Variants in CSMD1 observed in about 807,000 individuals in gnomAD.
CSMD1 encodes CUB and sushi domain-containing protein 1.
CSMD1 carries 213 observed loss-of-function variants against 417.5 expected under a neutral mutation model. The ratio of observed to expected loss-of-function variants is 0.51; its 90% CI spans 0.46 to 0.57. The LOEUF (loss-of-function observed/expected upper bound fraction) is 0.57, where lower values mean the gene tolerates loss of function less well. CSMD1 is among the 20% of genes least tolerant of loss of function. The pLI is 0.00. For synonymous variants in CSMD1, 2,862 were observed against 1,736.8 expected (o/e 1.65, Z -16.11); for missense variants, 6,923 against 4,529.7 (o/e 1.53, Z -15.17).
chr8:3,241,510 G>C (rs948589166), intron 26 of CSMD1, among the ~76,000 whole-genome samples: 5 of 152,148 alleles, frequency 3.3e-5, no homozygotes, highest in Non-Finnish European at 5.9e-5. Flanking sequence ...ATCTGGGAAG[G>C]AGTGAGTCAG....
chr8:4,542,994 T>G (rs968821849), intron 2 of CSMD1, among the ~76,000 whole-genome samples: 3 of 152,188 alleles, frequency 2.0e-5, no homozygotes, highest in African/African-American at 4.8e-5. Context: ...TACAAATTGA[T>G]AGTCTATATT....
intron 37 of CSMD1, among the ~76,000 whole-genome samples, chr8:3,179,972 G>C (rs1821214311): frequency 6.6e-6 from 1 of 152,140 alleles, no homozygotes; most frequent in South Asian, 2.1e-4. Flanking sequence ...TCATCAGCTG[G>C]CAATCTGGCC....
intron 2 of CSMD1, among the ~76,000 whole-genome samples, chr8:4,514,662 G>C (rs956453041): frequency 2.0e-5 from 3 of 152,162 alleles, no homozygotes; most frequent in East Asian, 3.9e-4. Flanking sequence ...TAAAAAAGTA[G>C]ACCTCAACTA....
intron 3 of CSMD1, among the ~76,000 whole-genome samples, chr8:4,344,165 C>G (rs780552740): frequency 1.3e-5 from 2 of 152,072 alleles, no homozygotes; most frequent in Non-Finnish European, 2.9e-5. Context: ...TGTTAATCTG[C>G]TTTTTCATAT....
intron 42 of CSMD1, among the ~76,000 whole-genome samples, chr8:3,117,754 C>G (rs993234868): frequency 6.6e-6 from 1 of 152,274 alleles, no homozygotes; most frequent in Non-Finnish European, 1.5e-5. Flanking sequence ...CTCTGTTGCA[C>G]CATCAAACGA....
intron 23 of CSMD1, among the ~76,000 whole-genome samples, chr8:3,325,930 C>A (rs1206451277): frequency 6.6e-6 from 1 of 152,098 alleles, no homozygotes; most frequent in Non-Finnish European, 1.5e-5. Context: ...ATTCATTATG[C>A]AAATAAGAAA....
rs757123151 is a variant in CSMD1 at position 3,284,359 on chromosome 8, A to T, written c.3951-13T>A. 4.4e-6 allele frequency: 7 copies of T among 1,600,954 alleles called. No individual in the cohort carries two copies. Among genetic ancestry groups the T allele is most frequent in the Non-Finnish European group, 6.0e-6 (7 of 1,169,428 alleles). ...AATGAAATGGAGGCTGCAAGAGAGA[A>T]CACAGTAGCGCTACTTGCCGTGCAT... is the stretch of plus-strand genomic sequence containing the variant. On this transcript the variant is annotated splice_polypyrimidine_tract_variant and intron_variant, in intron 25 of 69. Transcript: ENST00000635120.
rs371526159 is a variant in CSMD1 at position 3,308,320 on chromosome 8, G to C, written c.3815C>G (p.Ser1272Trp). ...DRRVWDKPLP[S>W]CIAECGGQIH... ...ACTGCTTCCACACTCACCTATGCAC[G>C]AAGGTAGTGGTTTGTCCCACACTCT... Residue 1272 changes from serine (S) to tryptophan (W), a missense_variant, in exon 24 of 70, where the codon TCG becomes TGG. Coordinates refer to ENST00000635120, the MANE Select transcript of CSMD1 (RefSeq NM_033225.6). 3 of 1,607,236 alleles carry C rather than the reference G, an allele frequency of 1.9e-6. No individual in the cohort carries two copies. The highest frequency in any genetic ancestry group is 1.3e-5 in the African/African-American group (1 of 74,926).
rs114241959 is a variant in CSMD1, at chr8:3,086,963, C to T, written c.7474+134G>A. The T allele has an allele frequency of 2.5e-3, 2,004 of 811,916 alleles. 37 individuals carry two copies. In the African/African-American group the frequency reaches 0.03, roughly 12 times the overall value. The allele number at this position is 811,916 out of a possible 1,614,324, so 50.3% of individuals were successfully genotyped here. ...TGCATGGCCACTAGAAGGTTTAATTCGTACTGTTATAAGCCAACATTCAAT... is the reference window on the plus strand; with the variant it reads ...TGCATGGCCACTAGAAGGTTTAATTTGTACTGTTATAAGCCAACATTCAAT... On this transcript the variant is annotated intron_variant, in intron 49 of 69. Transcript: ENST00000635120.
rs1403377185 is a variant in CSMD1 at position 4,540,894 on chromosome 8, G to A, written c.302+96448C>T. Among the ~76,000 whole-genome samples the A allele has an allele frequency of 1.3e-4, 20 of 152,288 alleles. No homozygotes were observed. In the East Asian group the frequency reaches 3.5e-3, roughly 26 times the overall value. ...AGTCTGACTCTCCGCCACTCTGCTA[G>A]TCTGCTATTTAATTTTATGAGGCTG... On this transcript the variant is annotated intron_variant, in intron 2 of 69. Transcript: ENST00000635120.
intron 5 of CSMD1, among the ~76,000 whole-genome samples, chr8:3,767,560 T>G (rs1170478830): frequency 1.3e-5 from 2 of 152,352 alleles, no homozygotes; most frequent in African/African-American, 4.8e-5. Flanking sequence ...CCAAAGCTGA[T>G]TGCTGACCTT....
In CSMD1 at chr8:3,494,691, T is replaced by C. The variant is rs568591238; in HGVS notation, c.1345-965A>G. ...CAGACGATACACAGATACATGAATA[T>C]ATAAATGAGAGAGAGAGAGATGTAA... On this transcript the variant is annotated intron_variant, in intron 10 of 69. Transcript: ENST00000635120. Among the ~76,000 whole-genome samples, 111 of 69,092 alleles carry C rather than the reference T, an allele frequency of 1.6e-3. 3 individuals are homozygous for C. In the South Asian group the frequency reaches 0.05, roughly 31 times the overall value. The allele number at this position is 69,092 out of a possible 152,430, so 45.3% of individuals were successfully genotyped here.
chr8:4,714,875 T>C (rs1179762234), intron 1 of CSMD1, among the ~76,000 whole-genome samples: 1 of 152,228 alleles, frequency 6.6e-6, no homozygotes, highest in Admixed American at 6.5e-5. Flanking sequence ...AAAAAATCTG[T>C]ATACCTTTAG....
At chr8:4,738,075 T>G (rs562369831) in intron 1 of CSMD1, among the ~76,000 whole-genome samples, 1 of 152,322 alleles carries the variant, frequency 6.6e-6, no homozygotes, top group Non-Finnish European at 1.5e-5. Flanking sequence ...TAAGATTACA[T>G]GCCAACACCA....
At position 4,492,023 on chromosome 8, in the gene CSMD1, T is replaced by C. The variant is rs146814433; in HGVS notation, c.303-71958A>G. Among the ~76,000 whole-genome samples, 190 of 150,940 alleles carry C rather than the reference T, an allele frequency of 1.3e-3. 1 individual carries two copies. In the East Asian group the frequency reaches 0.022, roughly 17 times the overall value. ...TATGGTACATCCACATAGTGGAATA[T>C]TATTCAGCAAAAAAAAAAGAAAAAA... On this transcript the variant is annotated intron_variant, in intron 2 of 69. Coordinates refer to ENST00000635120, the MANE Select transcript of CSMD1 (RefSeq NM_033225.6).
intron 5 of CSMD1, among the ~76,000 whole-genome samples, chr8:3,982,993 C>A (rs931837628): frequency 6.6e-6 from 1 of 152,108 alleles, no homozygotes; most frequent in African/African-American, 2.4e-5. Context: ...GCCCCTAGAG[C>A]TAGTTAGTAG....
intron 12 of CSMD1, among the ~76,000 whole-genome samples, chr8:3,416,166 T>TG (rs1486769407): frequency 7.4e-5 from 3 of 40,634 alleles, no homozygotes; most frequent in Non-Finnish European, 6.6e-5. Context: ...CCGGGCGTGT[T>TG]GGGGGGCGCC....
intron 3 of CSMD1, among the ~76,000 whole-genome samples, chr8:4,276,183 G>C (rs1796475234): frequency 6.6e-6 from 1 of 152,116 alleles, no homozygotes; most frequent in African/African-American, 2.4e-5. Context: ...TATGCTTATT[G>C]CAGCACTGTT....
At chr8:4,585,778 T>A (rs975491185) in intron 2 of CSMD1, among the ~76,000 whole-genome samples, 5 of 152,154 alleles carry the variant, frequency 3.3e-5, no homozygotes, top group African/African-American at 1.2e-4. Context: ...CCTATAGAAA[T>A]TGAAGACATT....
Sources: gnomAD v4.1 joint callset for allele counts (sites outside exome capture counted in the v4.1 genomes callset) on GRCh38, gnomAD v4.1.1 for gene constraint, MANE v1.5 for transcripts, NCBI Gene and HGNC (gene_info 2026-07-23, HGNC 2026-07-21) for gene names.